The following RGL4 variants were observed in gnomAD, a reference collection of about 807,000 sequenced individuals.
The protein encoded by RGL4 is ral guanine nucleotide dissociation stimulator like 4.
Under a neutral mutation model 49.6 loss-of-function variants are expected in RGL4, and 41 were observed. That is an observed-to-expected ratio of 0.83 (90% CI 0.64 to 1.07). The LOEUF is 1.07. RGL4 is among the 50% of genes least tolerant of loss of function. RGL4 has a pLI of 0.00. For synonymous variants in RGL4, 255 were observed against 238.0 expected (o/e 1.07, Z -0.66); for missense variants, 610 against 591.9 (o/e 1.03, Z -0.32).
chr22:23,696,288 G>T, intron 6 of RGL4: 1 of 1,256,278 alleles, frequency 8.0e-7, no homozygotes, highest in East Asian at 4.8e-5. Context: ...TTCAAGAAAA[G>T]AAAGCAATTT....
chr22:23,692,474 G>A lies in RGL4; in HGVS notation c.319G>A (p.Glu107Lys). ...WPGLGLEDHQ[E>K]IVLGQLVLPE... ...TGGACTGGGCTTGGAGGACCATCAG[G>A]AAATTGTCCTAGGCCAGTTGGTGCT... Residue 107 changes from glutamate (E) to lysine (K), a missense_variant, in exon 2 of 11, where the codon GAA becomes AAA. Transcript: ENST00000290691. The A allele has an allele frequency of 3.1e-6, 5 of 1,614,196 alleles. No individual in the cohort carries two copies. Among genetic ancestry groups the A allele is most frequent in the East Asian group, 2.2e-5 (1 of 44,886 alleles).
At chr22:23,697,117 G>T in intron 7 of RGL4, 54 bp from the exon 8 acceptor site, 1 of 1,381,018 alleles carries the variant, frequency 7.2e-7, no homozygotes, top group Non-Finnish European at 1.0e-6. Context: ...GGCACCTGAG[G>T]GCCAATACTC....
At chr22:23,694,498 C>T in intron 5 of RGL4, 48 bp downstream of exon 5, 1 of 1,299,558 alleles carries the variant, frequency 7.7e-7, no homozygotes. Context: ...CCTAGGGACT[C>T]ACAGGTCTCC....
At chr22:23,696,568 G>A in intron 6 of RGL4, 46 bp from the exon 7 acceptor site, 1 of 1,612,904 alleles carries the variant, frequency 6.2e-7, no homozygotes, top group Non-Finnish European at 8.5e-7. Flanking sequence ...GTGTAACTGG[G>A]GGAGAGGAGG....
At chr22:23,696,477 T>C (rs764263083) in intron 6 of RGL4, 137 bp from the exon 7 acceptor site, 5 of 1,551,792 alleles carry the variant, frequency 3.2e-6, no homozygotes, top group Non-Finnish European at 3.5e-6. Flanking sequence ...ACACAGGGAG[T>C]GTGGATCTGG....
chr22:23,693,118 T>A, intron 3 of RGL4, 127 bp downstream of exon 3: 1 of 1,426,440 alleles, frequency 7.0e-7, no homozygotes, highest in Non-Finnish European at 9.2e-7. Context: ...GGGATCTGGA[T>A]GAGTTTCCTC....
At chr22:23,698,377 A>G (rs370617507) in intron 10 of RGL4, 44 bp downstream of exon 10, 57 of 1,240,738 alleles carry the variant, frequency 4.6e-5, no homozygotes, top group Middle Eastern at 2.1e-4. Context: ...AAGGCTCTCC[A>G]TTTTTTTTTT....
At chr22:23,698,104 A>T (rs888910577) in intron 9 of RGL4, 108 bp from the exon 10 acceptor site, 5 of 1,424,732 alleles carry the variant, frequency 3.5e-6, no homozygotes, top group Non-Finnish European at 4.8e-6. Flanking sequence ...GCTGCATGGG[A>T]CCCCTTCAGA....
chr22:23,695,431 C>T, intron 6 of RGL4: 3 of 562,324 alleles, frequency 5.3e-6, no homozygotes, highest in South Asian at 4.6e-5. Flanking sequence ...CCTCAGGAAG[C>T]CAGGCCTCTG....
chr22:23,696,342 G>A, intron 6 of RGL4: 1 of 1,381,586 alleles, frequency 7.2e-7, no homozygotes, highest in Non-Finnish European at 9.5e-7. Context: ...ATGACGGTGA[G>A]AACAACGGCA....
Position 23,698,300 on chromosome 22 carries a change from T to G in RGL4, c.1349T>G (p.Phe450Cys). The G allele has an allele frequency of 6.2e-7, 1 of 1,610,602 alleles. No individual in the cohort carries two copies. Residue 450 changes from phenylalanine (F) to cysteine (C), a missense_variant, in exon 10 of 11, where the codon TTC (phenylalanine) becomes TGC (cysteine). Phe to Cys is a radical substitution (Grantham distance 205). Transcript: ENST00000290691. ...CCTCTTGAGAAATTTGTCACCTATTTCACAAGAATGGAGCAGCTCAGTGAC... is the reference window on the plus strand; with the variant it reads ...CCTCTTGAGAAATTTGTCACCTATTGCACAAGAATGGAGCAGCTCAGTGAC... ...LRPLEKFVTY[F>C]TRMEQLSDKE...
At chr22:23,696,546 G>T in intron 6 of RGL4, 68 bp from the exon 7 acceptor site, 1 of 1,609,580 alleles carries the variant, frequency 6.2e-7, no homozygotes, top group Non-Finnish European at 8.5e-7. Context: ...ATCCAAGTGC[G>T]GGGTGGCTGG....
chr22:23,692,313 C>G (rs1182383766), intron 1 of RGL4, 22 bp from the exon 2 acceptor site: 1 of 1,612,498 alleles, frequency 6.2e-7, no homozygotes. Flanking sequence ...GCCTCTGACT[C>G]AGCTGTCTAC....
chr22:23,698,490 A>T (rs1238978338), intron 10 of RGL4, 157 bp downstream of exon 10: 1 of 852,400 alleles, frequency 1.2e-6, no homozygotes, highest in African/African-American at 1.7e-5. Context: ...CAGCCTCCCA[A>T]GCAGCTGGGA....
In RGL4 at chr22:23,696,422, G is replaced by A. The variant is rs901302807; in HGVS notation, c.1087-192G>A. 10 of 1,531,184 alleles carry A rather than the reference G, an allele frequency of 6.5e-6. No individual in the cohort carries two copies. The East Asian group carries it at 2.0e-4, about 31-fold the overall frequency. 94.8% of individuals were successfully genotyped at this position (1,531,184 alleles called of 1,614,324 possible). On this transcript the variant is annotated intron_variant, in intron 6 of 10. Coordinates refer to ENST00000290691, the MANE Select transcript of RGL4 (RefSeq NM_153615.2). ...GTGGTTTGCATCACTCTTTACAGAA[G>A]AGGAAACAGTCTCAGGGAGGCCCGG...
Position 23,693,775 on chromosome 22 carries a change from T to C in RGL4, c.713T>C (p.Val238Ala), listed in dbSNP as rs144626367. The C allele has an allele frequency of 6.9e-5, 112 of 1,614,020 alleles. 1 individual carries two copies. In the African/African-American group the frequency reaches 1.4e-3, roughly 20 times the overall value. Reference sequence around the variant, plus strand: ...CCCCCAAAGGAGCTGTTCAAGAAGGTGGTGCTCCACGAATGCTTGGGCTGC... The same window carrying C: ...CCCCCAAAGGAGCTGTTCAAGAAGGCGGTGCTCCACGAATGCTTGGGCTGC... ...TLMDAELFKK[V>A]VLHECLGCIW... Residue 238 changes from valine (V) to alanine (A), a missense_variant, in exon 4 of 11, where the codon GTG (valine) becomes GCG (alanine). Val to Ala is a moderately conservative substitution (Grantham distance 64, BLOSUM62 0). Coordinates refer to ENST00000290691, the MANE Select transcript of RGL4 (RefSeq NM_153615.2).
intron 7 of RGL4, among the ~76,000 whole-genome samples, 185 bp downstream of exon 7, chr22:23,696,873 C>CAA (rs1279858539): frequency 2.0e-5 from 3 of 152,216 alleles, no homozygotes; most frequent in Non-Finnish European, 4.4e-5. Context: ...AAGCTGGACT[C>CAA]AGACTAGATG....
rs923087044 is a variant in RGL4, at chr22:23,692,836, G to A, written c.541G>A (p.Gly181Arg). 1 of 1,613,538 alleles carries A rather than the reference G, an allele frequency of 6.2e-7. No individual in the cohort carries two copies. Among genetic ancestry groups the A allele is most frequent in the African/African-American group, 1.3e-5 (1 of 74,934 alleles). ...APGPAPAPGE[G>R]PPPGTVLEPQ... ...AGGGCCAGCACCAGCACCAGGGGAA[G>A]GGCCCCCTCCAGGGACAGTGCTGGA... Residue 181 changes from glycine to arginine, a missense_variant, in exon 3 of 11, where the codon GGG becomes AGG. Transcript: ENST00000290691.
rs1313161907 is a variant in RGL4, at chr22:23,697,215, G to C, written c.1206G>C (p.Arg402Ser). The change falls in exon 8 of 11, where the codon AGG becomes AGC. Residue 402 changes from arginine (R) to serine (S), a missense_variant. Coordinates refer to ENST00000290691, the MANE Select transcript of RGL4 (RefSeq NM_153615.2). Reference protein sequence around the residue: ...FLGDFLTELQRLDSAIPDDLD... With the variant: ...FLGDFLTELQSLDSAIPDDLD... The stretch of plus-strand genomic sequence containing the variant: ...GGGATTTTCTGACTGAGTTACAGAG[G>C]CTGGATTCGGCCATCCCGGACGACC... The C allele has an allele frequency of 6.2e-7, 1 of 1,613,662 alleles. No individual in the cohort carries two copies. The highest frequency in any genetic ancestry group is 1.7e-5 in the Admixed American group (1 of 59,964).
Sources: allele counts gnomAD v4.1 joint callset (sites outside exome capture counted in the v4.1 genomes callset), GRCh38; gene constraint gnomAD v4.1.1; transcripts MANE v1.5; gene names NCBI Gene and HGNC (gene_info 2026-07-23, HGNC 2026-07-21).